Variants in KCNH1 observed in about 807,000 individuals in gnomAD.
The protein encoded by KCNH1 is potassium voltage-gated channel subfamily H member 1.
Under a neutral mutation model 69.2 loss-of-function variants are expected in KCNH1, and 27 were observed. The ratio of observed to expected loss-of-function variants is 0.39; its 90% CI spans 0.29 to 0.54. The LOEUF (loss-of-function observed/expected upper bound fraction) is 0.54. KCNH1 is among the 20% of genes least tolerant of loss of function. KCNH1 has a pLI of 0.68. For missense variants in KCNH1, 798 were observed against 1,261.6 expected (o/e 0.63, Z 5.57); for synonymous variants, 456 against 487.7 (o/e 0.93, Z 0.86).
chr1:210,691,425 T>G (rs1368650175), intron 10 of KCNH1, among the ~76,000 whole-genome samples: 1 of 152,118 alleles, frequency 6.6e-6, no homozygotes, highest in Non-Finnish European at 1.5e-5. Context: ...TTATCCTCAT[T>G]TTTCAAATAA....
intron 1 of KCNH1, among the ~76,000 whole-genome samples, chr1:211,125,924 A>G (rs1475353114): frequency 1.3e-5 from 2 of 152,236 alleles, no homozygotes; most frequent in African/African-American, 4.8e-5. Context: ...ATGAGTAAGC[A>G]AATTGACTAT....
chr1:210,711,159 T>TAGAC (rs1238487591), intron 10 of KCNH1, among the ~76,000 whole-genome samples: 2 of 152,138 alleles, frequency 1.3e-5, no homozygotes, highest in African/African-American at 4.8e-5. Context: ...AGCCTCTCCC[T>TAGAC]AGACAGCCCC....
At chr1:210,867,397 T>A (rs1340567306) in intron 7 of KCNH1, among the ~76,000 whole-genome samples, 1 of 151,006 alleles carries the variant, frequency 6.6e-6, no homozygotes, top group African/African-American at 2.4e-5. Context: ...AGCAAATTCA[T>A]ATTAAAGTGG....
At chr1:210,771,493 A>T (rs911564375) in intron 10 of KCNH1, among the ~76,000 whole-genome samples, 1 of 152,220 alleles carries the variant, frequency 6.6e-6, no homozygotes, top group African/African-American at 2.4e-5. Flanking sequence ...ACCTGCGGAT[A>T]ACACCTACCC....
intron 5 of KCNH1, among the ~76,000 whole-genome samples, chr1:211,028,956 A>G (rs1689732827): frequency 6.6e-6 from 1 of 152,068 alleles, no homozygotes; most frequent in Non-Finnish European, 1.5e-5. Context: ...ACAGTACAAA[A>G]AAGAAAACTA....
chr1:210,849,945 T>G (rs969686118), intron 7 of KCNH1, among the ~76,000 whole-genome samples: 1 of 150,950 alleles, frequency 6.6e-6, no homozygotes, highest in African/African-American at 2.4e-5. Flanking sequence ...AAAAAATAAA[T>G]AAATAAAAAT....
intron 5 of KCNH1, among the ~76,000 whole-genome samples, chr1:211,051,022 G>C (rs1274546171): frequency 6.9e-6 from 1 of 144,132 alleles, no homozygotes. Flanking sequence ...TTTGAGAGAA[G>C]AGTCTTGCTC....
intron 5 of KCNH1, among the ~76,000 whole-genome samples, chr1:211,020,246 AC>A (rs1335604039): frequency 6.6e-6 from 1 of 151,926 alleles, no homozygotes; most frequent in Non-Finnish European, 1.5e-5. Flanking sequence ...AAAAACCCAA[AC>A]CTATAACTAA....
chr1:210,722,343 A>G (rs375859861), intron 10 of KCNH1, among the ~76,000 whole-genome samples: 1 of 151,966 alleles, frequency 6.6e-6, no homozygotes, highest in Non-Finnish European at 1.5e-5. Context: ...TTTTACTCTT[A>G]TTTTCTGGGC....
In KCNH1 at chr1:210,683,997, G is replaced by T; in HGVS notation, c.2254C>A (p.Leu752Met). 6.3e-7 allele frequency: 1 copy of T among 1,598,606 alleles called. No homozygotes were observed. The highest frequency in any genetic ancestry group is 8.6e-7 in the Non-Finnish European group (1 of 1,168,708). Residue 752 changes from leucine (L) to methionine (M), a missense_variant, in exon 11 of 11, where the codon CTG becomes ATG. This residue lies in a region of KCNH1 where 331 missense variants were observed against 363.2 expected (regional missense o/e 0.91). Coordinates refer to ENST00000271751, the MANE Select transcript of KCNH1 (RefSeq NM_172362.3). The surrounding 1 kb of genome is among the most constrained non-coding windows in gnomAD (Gnocchi z 5.7). ...QRFRQQKEAR[L>M]AAERGGRDLD... Reference sequence around the variant, plus strand: ...TCCCGGCCCCCTCTCTCAGCTGCCAGCCTGGCCTCTTTCTGCTGTCGGAAT... The same window carrying T: ...TCCCGGCCCCCTCTCTCAGCTGCCATCCTGGCCTCTTTCTGCTGTCGGAAT...
Position 210,856,877 on chromosome 1 carries a change from C to CTATATATATATATATATA in KCNH1, c.1463-52729_1463-52712dup, listed in dbSNP as rs150446990. On this transcript the variant is annotated intron_variant, in intron 7 of 10. Coordinates refer to ENST00000271751, the MANE Select transcript of KCNH1 (RefSeq NM_172362.3). ...TAACCCACTATATATATATAACCCA[C>CTATATATATATATATATA]TATATATATATATATATATATAAAA... Among the ~76,000 whole-genome samples the CTATATATATATATATATA allele has an allele frequency of 2.8e-3, 286 of 101,684 alleles. 3 individuals carry two copies. The highest frequency in any genetic ancestry group is 8.8e-3 in the African/African-American group (249 of 28,244). 66.7% of individuals were successfully genotyped at this position (101,684 alleles called of 152,430 possible). A position where few individuals can be genotyped will look rare whatever the true frequency, so the allele number is the denominator to read the frequency against.
chr1:211,101,796 G>A (rs935479415), intron 3 of KCNH1, among the ~76,000 whole-genome samples: 2 of 152,216 alleles, frequency 1.3e-5, no homozygotes, highest in Non-Finnish European at 2.9e-5. Flanking sequence ...ATTTCACAGA[G>A]ATTAGAGATT....
chr1:210,803,061 T>C (rs544694793), intron 8 of KCNH1, among the ~76,000 whole-genome samples: 6 of 152,318 alleles, frequency 3.9e-5, no homozygotes, highest in Non-Finnish European at 7.3e-5. Context: ...AGTTCTCATT[T>C]CACAGATCTG....
intron 7 of KCNH1, among the ~76,000 whole-genome samples, chr1:210,819,663 G>A (rs1450935562): frequency 6.6e-6 from 1 of 152,028 alleles, no homozygotes; most frequent in South Asian, 2.1e-4. Flanking sequence ...TATACACTAT[G>A]ATAAACTTGT....
intron 6 of KCNH1, among the ~76,000 whole-genome samples, chr1:210,922,435 C>T (rs1687482883): frequency 7.2e-6 from 1 of 139,468 alleles, no homozygotes; most frequent in Admixed American, 7.5e-5. Flanking sequence ...GACAAGTTTG[C>T]AGCCATAAAA....
intron 6 of KCNH1, among the ~76,000 whole-genome samples, chr1:210,973,165 G>C (rs919384353): frequency 1.3e-5 from 2 of 151,856 alleles, no homozygotes; most frequent in African/African-American, 4.8e-5. Context: ...TCTGACCTTT[G>C]GACATTTCAA....
intron 5 of KCNH1, among the ~76,000 whole-genome samples, chr1:211,045,983 G>T (rs1690089531): frequency 6.6e-6 from 1 of 152,100 alleles, no homozygotes. Context: ...ACGTCCTCCA[G>T]TTTCATCCAT....
chr1:210,865,023 C>T (rs1295549491), intron 7 of KCNH1, among the ~76,000 whole-genome samples: 5 of 152,182 alleles, frequency 3.3e-5, no homozygotes, highest in Non-Finnish European at 7.3e-5. Flanking sequence ...TCTGTATGAC[C>T]TTTGATGACT....
At chr1:210,944,979 T>C (rs1282453560) in intron 6 of KCNH1, among the ~76,000 whole-genome samples, 3 of 152,198 alleles carry the variant, frequency 2.0e-5, no homozygotes, top group African/African-American at 7.2e-5. Context: ...ATTTTACCTA[T>C]TCTAGAAACC....
Sources: allele counts gnomAD v4.1 joint callset (sites outside exome capture counted in the v4.1 genomes callset), GRCh38; gene constraint gnomAD v4.1.1; regional missense constraint gnomAD v4.1.1; non-coding constraint Gnocchi (gnomAD v3.1); transcripts MANE v1.5; gene names NCBI Gene and HGNC (gene_info 2026-07-23, HGNC 2026-07-21).